CACNA1I: variants seen among roughly 807,000 people sequenced by gnomAD.
CACNA1I encodes the protein calcium voltage-gated channel subunit alpha1 I.
CACNA1I carries 74 observed loss-of-function variants against 201.6 expected under a neutral mutation model. The ratio of observed to expected loss-of-function variants is 0.37; its 90% CI spans 0.30 to 0.45. The LOEUF (loss-of-function observed/expected upper bound fraction) is 0.45. Among genes scored for constraint, CACNA1I ranks in the 20% least tolerant of loss-of-function variants. The pLI is 1.00. For synonymous variants in CACNA1I, 1,431 were observed against 1,345.2 expected (o/e 1.06, Z -1.40); for missense variants, 2,346 against 3,138.1 (o/e 0.75, Z 6.03).
rs1262820247 is a variant in CACNA1I, at chr22:39,684,069, G to T, written c.5831-233G>T. Among the ~76,000 whole-genome samples, 2 of 152,120 alleles carry T rather than the reference G, an allele frequency of 1.3e-5. No homozygotes were observed. The highest frequency in any genetic ancestry group is 2.9e-5 in the Non-Finnish European group (2 of 68,006). ...GCTTGCCTCCAAAAGCTGTGTCTTT[G>T]CCCAGGGCCCCCGCCCCCTGGAATC... On this transcript the variant is annotated intron_variant, in intron 35 of 36. Transcript: ENST00000402142. This position sits in a 1 kb window ranked among gnomAD's most constrained non-coding sequence, Gnocchi z 4.6.
intron 35 of CACNA1I, 55 bp downstream of exon 35, chr22:39,682,716 T>A: frequency 1.3e-6 from 2 of 1,511,894 alleles, no homozygotes; most frequent in Non-Finnish European, 1.8e-6. Flanking sequence ...GGCATCTGCT[T>A]CAGAGGGAGA....
At position 39,662,834 on chromosome 22, in the gene CACNA1I, T is replaced by C. The variant is rs1197126660; in HGVS notation, c.3431T>C (p.Val1144Ala). The change falls in exon 18 of 37, where the codon GTC becomes GCC. Residue 1144 changes from valine to alanine, a missense_variant. Around this residue, in one of 13 missense-constraint regions of CACNA1I, gnomAD observed 158 missense variants for 231.6 expected, o/e 0.68. Coordinates refer to ENST00000402142, the MANE Select transcript of CACNA1I (RefSeq NM_021096.4). ...GTCTATAAGCCCGACTGGTGCGAGG[T>C]CCGCGAAGACTGGTCTGTCTACCTC... ...IDVYKPDWCE[V>A]REDWSVYLFS... 3.7e-6 allele frequency: 6 copies of C among 1,602,116 alleles called. No homozygotes were observed.
At chr22:39,594,761 G>T (rs1254266691) in intron 1 of CACNA1I, among the ~76,000 whole-genome samples, 1 of 152,106 alleles carries the variant, frequency 6.6e-6, no homozygotes, top group Non-Finnish European at 1.5e-5. Flanking sequence ...TGAGGGGTTT[G>T]CTTGGAGACA....
chr22:39,578,558 A>T (rs551880235), intron 1 of CACNA1I, among the ~76,000 whole-genome samples: 1 of 151,866 alleles, frequency 6.6e-6, no homozygotes, highest in African/African-American at 2.4e-5. Context: ...AAACCGTGTG[A>T]CCTTGGCAGT....
chr22:39,592,142 T>C (rs1932829798), intron 1 of CACNA1I, among the ~76,000 whole-genome samples: 1 of 152,144 alleles, frequency 6.6e-6, no homozygotes, highest in African/African-American at 2.4e-5. Flanking sequence ...CCTGAGTGAT[T>C]TTCTCCCCGA....
chr22:39,661,398 C>A, intron 16 of CACNA1I, 88 bp downstream of exon 16: 1 of 1,064,136 alleles, frequency 9.4e-7, no homozygotes, highest in Non-Finnish European at 1.3e-6. Flanking sequence ...CCAGTCTAGC[C>A]TCAGACTCTG....
intron 2 of CACNA1I, among the ~76,000 whole-genome samples, chr22:39,599,372 C>T (rs1797514273): frequency 6.9e-6 from 1 of 145,246 alleles, no homozygotes. Context: ...GTAATCCCAG[C>T]ACTTTGGGAG....
intron 31 of CACNA1I, among the ~76,000 whole-genome samples, chr22:39,678,835 G>A (rs1211036980): frequency 1.3e-5 from 2 of 152,218 alleles, no homozygotes; most frequent in Non-Finnish European, 2.9e-5. Flanking sequence ...GACTGTCCCG[G>A]GGAAGCAGGC....
intron 5 of CACNA1I, among the ~76,000 whole-genome samples, chr22:39,634,964 C>A (rs1218337774): frequency 6.6e-6 from 1 of 152,084 alleles, no homozygotes; most frequent in African/African-American, 2.4e-5. Flanking sequence ...ACATTCATTC[C>A]CCTTGGTGGC....
At chr22:39,600,463 T>C (rs541228656) in intron 2 of CACNA1I, 57 bp from the exon 3 acceptor site, 3 of 1,492,300 alleles carry the variant, frequency 2.0e-6, no homozygotes, top group Admixed American at 3.5e-5. Flanking sequence ...CTGCAACCCC[T>C]GGGCCCTGCT....
In CACNA1I at chr22:39,686,442, C is replaced by G. The variant is rs907129777; in HGVS notation, c.*37C>G. ...GCCCCCGGCCGCCCACCGCCCGCCC[C>G]GTCTCACCTTCTTTACCTCAGGAGC... On this transcript the variant is annotated 3_prime_UTR_variant, in exon 37 of 37. Coordinates refer to ENST00000402142, the MANE Select transcript of CACNA1I (RefSeq NM_021096.4). 5.6e-5 allele frequency: 67 copies of G among 1,199,158 alleles called. No individual in the cohort carries two copies. Among genetic ancestry groups the G allele is most frequent in the Non-Finnish European group, 6.6e-5 (63 of 957,798 alleles). The allele number at this position is 1,199,158 out of a possible 1,614,324, so 74.3% of individuals were successfully genotyped here. A position where few individuals can be genotyped will look rare whatever the true frequency, so the allele number is the denominator to read the frequency against.
At chr22:39,607,787 G>A (rs935536898) in intron 3 of CACNA1I, among the ~76,000 whole-genome samples, 1 of 152,032 alleles carries the variant, frequency 6.6e-6, no homozygotes, top group Non-Finnish European at 1.5e-5. Context: ...TCAGGAGTTT[G>A]AGACCAGCCT....
At chr22:39,585,499 C>T (rs1011079046) in intron 1 of CACNA1I, among the ~76,000 whole-genome samples, 2 of 148,020 alleles carry the variant, frequency 1.4e-5, no homozygotes, top group African/African-American at 5.0e-5. Flanking sequence ...AAGCGATTCT[C>T]CTGCCTCAGC....
chr22:39,600,792 G>A, intron 3 of CACNA1I, 139 bp downstream of exon 3: 2 of 1,120,766 alleles, frequency 1.8e-6, no homozygotes, highest in Non-Finnish European at 2.4e-6. Flanking sequence ...GGGCTGGGAG[G>A]AATGATGGAC....
Position 39,634,689 on chromosome 22 carries a change from G to A in CACNA1I, c.705G>A (p.Leu235=). The part of the protein sequence containing the change: ...IIGVQLWAGL[L]RNRCFLEENF... ...GTGTGCAGCTCTGGGCGGGCCTGCT[G>A]CGTAACCGCTGCTTCCTGGAGGAGA... Residue 235 remains leucine (L), a synonymous_variant, in exon 5 of 37, where the codon CTG becomes CTA. Transcript: ENST00000402142. 1 of 1,613,868 alleles carries A rather than the reference G, an allele frequency of 6.2e-7. No individual in the cohort carries two copies. Among genetic ancestry groups the A allele is most frequent in the Admixed American group, 1.7e-5 (1 of 60,010 alleles).
intron 3 of CACNA1I, among the ~76,000 whole-genome samples, chr22:39,618,289 C>CTG (rs59974557): frequency 0.91 from 133,164 of 146,506 alleles, 60,459 homozygotes; most frequent in Middle Eastern, 0.95. Flanking sequence ...GTGTGTGTGA[C>CTG]TGTGTGTGCA....
chr22:39,663,710 C>CA lies in CACNA1I; in HGVS notation c.3474-8_3474-7insA. 2 of 1,579,498 alleles carry CA rather than the reference C, an allele frequency of 1.3e-6. No individual in the cohort carries two copies. Among genetic ancestry groups the CA allele is most frequent in the Non-Finnish European group, 8.7e-7 (1 of 1,149,492 alleles). On this transcript the variant is annotated splice_region_variant and splice_polypyrimidine_tract_variant and intron_variant, in intron 18 of 36. Coordinates refer to ENST00000402142, the MANE Select transcript of CACNA1I (RefSeq NM_021096.4). ...GACGCTCAGGCAGCCCCCGCCCACC[C>CA]TGCCCAGGTTCCGGGTCCTGTGTCA...
At chr22:39,583,161 C>G (rs1890724095) in intron 1 of CACNA1I, among the ~76,000 whole-genome samples, 1 of 151,218 alleles carries the variant, frequency 6.6e-6, no homozygotes. Context: ...GCCATCCATG[C>G]ATGCATCCAT....
At chr22:39,605,118 G>C (rs961129738) in intron 3 of CACNA1I, among the ~76,000 whole-genome samples, 9 of 84,554 alleles carry the variant, frequency 1.1e-4, no homozygotes, top group African/African-American at 4.2e-4. Flanking sequence ...TCCCACCCAG[G>C]CCTGGTGCTA....
Sources: gnomAD v4.1 joint callset for allele counts (sites outside exome capture counted in the v4.1 genomes callset) on GRCh38, gnomAD v4.1.1 for gene constraint, gnomAD v4.1.1 regional missense constraint, Gnocchi (gnomAD v3.1) non-coding constraint, MANE v1.5 for transcripts, NCBI Gene and HGNC (gene_info 2026-07-23, HGNC 2026-07-21) for gene names.